UNC50: variants seen among roughly 807,000 people sequenced by gnomAD.
UNC50 encodes the protein protein unc-50 homolog.
UNC50 carries 24 observed loss-of-function variants against 31.5 expected under a neutral mutation model. The observed-to-expected ratio is 0.76, with a 90% CI of 0.55 to 1.07. The LOEUF is 1.07. Among genes scored for constraint, UNC50 ranks in the 50% least tolerant of loss-of-function variants. UNC50 has a pLI of 0.00. For missense variants in UNC50, 245 were observed against 304.2 expected, an observed-to-expected ratio of 0.81 and a Z score of 1.45; for synonymous variants, 118 against 114.7, an observed-to-expected ratio of 1.03 and a Z score of -0.18.
intron 2 of UNC50, 99 bp downstream of exon 2, chr2:98,610,138 A>G: frequency 7.8e-7 from 1 of 1,281,762 alleles, no homozygotes; most frequent in Non-Finnish European, 1.1e-6. Flanking sequence ...AATATTGGAA[A>G]CTATTTCTCC....
At chr2:98,612,449 A>T (rs943332757) in intron 3 of UNC50, among the ~76,000 whole-genome samples, 1 of 151,076 alleles carries the variant, frequency 6.6e-6, no homozygotes, top group African/African-American at 2.4e-5. Flanking sequence ...CCACTCTGTC[A>T]CCCAGGCTGG....
At chr2:98,612,240 G>A (rs1700845399) in intron 3 of UNC50, among the ~76,000 whole-genome samples, 1 of 152,080 alleles carries the variant, frequency 6.6e-6, no homozygotes, top group African/African-American at 2.4e-5. Flanking sequence ...AGTTATCTGT[G>A]AAACTCTTAG....
intron 3 of UNC50, among the ~76,000 whole-genome samples, chr2:98,611,976 C>G (rs573607745): frequency 7.0e-6 from 1 of 142,142 alleles, no homozygotes; most frequent in Non-Finnish European, 1.6e-5. Flanking sequence ...CCGCCCCCCC[C>G]GCCCCCCCAC....
chr2:98,616,254 A>C lies in UNC50; in HGVS notation c.449A>C (p.Asp150Ala). Reference protein sequence around the residue: ...YLVKRQSRDYDVEWGYAFDVH... With the variant: ...YLVKRQSRDYAVEWGYAFDVH... Reference sequence around the variant, plus strand: ...GTGAAACGACAGAGCAGAGACTATGATGTGGAATGGGGCTATGCTTTTGAT... The same window carrying C: ...GTGAAACGACAGAGCAGAGACTATGCTGTGGAATGGGGCTATGCTTTTGAT... The change falls in exon 4 of 6, where the codon GAT becomes GCT. Residue 150 changes from aspartate to alanine, a missense_variant. Coordinates refer to ENST00000357765, the MANE Select transcript of UNC50 (RefSeq NM_014044.7). 1 of 1,614,186 alleles carries C rather than the reference A, an allele frequency of 6.2e-7. No individual in the cohort carries two copies. Among genetic ancestry groups the C allele is most frequent in the Non-Finnish European group, 8.5e-7 (1 of 1,180,002 alleles).
At position 98,618,224 on chromosome 2, in the gene UNC50, C is replaced by G. The variant is rs1159555957; in HGVS notation, c.700C>G (p.Leu234Val). Reference sequence around the variant, plus strand: ...TCTGTATCCATTTGCACCTCTGATTCTGCTCTACGGGCTTTCCCTGGCACT... The same window carrying G: ...TCTGTATCCATTTGCACCTCTGATTGTGCTCTACGGGCTTTCCCTGGCACT... ...ILLYPFAPLI[L>V]LYGLSLALGW... The change falls in exon 6 of 6, where the codon CTG (leucine) becomes GTG (valine). Residue 234 changes from leucine (L) to valine (V), a missense_variant. Physicochemically the swap from Leu to Val is conservative, Grantham distance 32. Coordinates refer to ENST00000357765, the MANE Select transcript of UNC50 (RefSeq NM_014044.7). 2.5e-6 allele frequency: 4 copies of G among 1,610,704 alleles called. No individual in the cohort carries two copies. In the Admixed American group the frequency reaches 5.0e-5, roughly 20 times the overall value.
chr2:98,616,658 T>G, intron 5 of UNC50, 125 bp downstream of exon 5: 3 of 699,152 alleles, frequency 4.3e-6, no homozygotes, highest in South Asian at 3.7e-5. Flanking sequence ...TTATGTGCAT[T>G]ATCTCATTTA....
chr2:98,608,750 C>T (rs549653723), intron 1 of UNC50, 24 bp downstream of exon 1: 20 of 342,248 alleles, frequency 5.8e-5, no homozygotes, highest in Middle Eastern at 1.9e-3. Flanking sequence ...ACCACTCTGC[C>T]CTCCCGCGGC....
At chr2:98,611,696 C>T (rs1223110284) in intron 3 of UNC50, among the ~76,000 whole-genome samples, 2 of 152,082 alleles carry the variant, frequency 1.3e-5, no homozygotes, top group African/African-American at 4.8e-5. Flanking sequence ...AACAAAATGC[C>T]TGGTTTTGCA....
chr2:98,613,668 A>G (rs1700875508), intron 3 of UNC50, among the ~76,000 whole-genome samples: 2 of 152,224 alleles, frequency 1.3e-5, no homozygotes, highest in African/African-American at 4.8e-5. Context: ...GCTGTTCAAG[A>G]TGAGATTTTG....
intron 1 of UNC50, chr2:98,609,397 T>G: frequency 3.0e-6 from 1 of 337,810 alleles, no homozygotes; most frequent in South Asian, 3.7e-5. Context: ...TCTTAAAAGC[T>G]TGGTGGTTAA....
At chr2:98,610,695 ATCTGGAGGGCAAGGGATGTG>A in intron 2 of UNC50, 60 bp from the exon 3 acceptor site, 4 of 1,538,448 alleles carry the variant, frequency 2.6e-6, no homozygotes, top group Non-Finnish European at 3.5e-6. Flanking sequence ...TAGCCTGGGC[ATCTGGAGGGCAAGGGATGTG>A]TCCTGTATTT....
In UNC50 at chr2:98,618,276, GTTCT is replaced by G; in HGVS notation, c.757_760del (p.Phe253IlefsTer5). 1.2e-6 allele frequency: 2 copies of G among 1,607,170 alleles called. No individual in the cohort carries two copies. Among genetic ancestry groups the G allele is most frequent in the Non-Finnish European group, 1.7e-6 (2 of 1,177,938 alleles). ...GGATGGAACTTCACCCATACTCTCT[GTTCT>G]TTCTATAAGTACAGAGTGAAATAAA... On this transcript the variant is annotated frameshift_variant, in exon 6 of 6. Transcript: ENST00000357765. LOFTEE classifies it high-confidence loss of function.
At chr2:98,618,123 A>ATTTTTT in intron 5 of UNC50, 45 bp from the exon 6 acceptor site, 1 of 1,233,966 alleles carries the variant, frequency 8.1e-7, no homozygotes, top group South Asian at 1.7e-5. Flanking sequence ...TTAGTCATTT[A>ATTTTTT]TTTTTTTTTT....
At chr2:98,615,021 A>T (rs1446733646) in intron 3 of UNC50, among the ~76,000 whole-genome samples, 2 of 152,224 alleles carry the variant, frequency 1.3e-5, no homozygotes, top group African/African-American at 4.8e-5. Flanking sequence ...CTTTTCTGTT[A>T]CTTGGATATT....
chr2:98,609,486 T>C, intron 1 of UNC50: 4 of 534,640 alleles, frequency 7.5e-6, no homozygotes, highest in Non-Finnish European at 1.0e-5. Context: ...ACATCATCCC[T>C]GTCTCTGTAA....
At chr2:98,612,847 G>A (rs1700858097) in intron 3 of UNC50, among the ~76,000 whole-genome samples, 1 of 152,222 alleles carries the variant, frequency 6.6e-6, no homozygotes, top group African/African-American at 2.4e-5. Context: ...ACACTGTACT[G>A]TAGTCTTTTA....
At chr2:98,609,710 T>C in intron 1 of UNC50, 46 bp from the exon 2 acceptor site, 1 of 1,609,350 alleles carries the variant, frequency 6.2e-7, no homozygotes, top group Admixed American at 1.7e-5. Flanking sequence ...GGTAGCCAAA[T>C]GTTTCTTCAG....
chr2:98,609,680 T>C, intron 1 of UNC50, 76 bp from the exon 2 acceptor site: 1 of 1,597,874 alleles, frequency 6.3e-7, no homozygotes, highest in Non-Finnish European at 8.6e-7. Context: ...CCCTGCCAAA[T>C]AACTCAGAAG....
At position 98,609,487 on chromosome 2, in the gene UNC50, GTC is replaced by G. The variant is rs377627575; in HGVS notation, c.-4-265_-4-264del. Reference sequence around the variant, plus strand: ...GTCATGGGGCAGTCACATCATCCCTGTCTCTGTAATGGTAGCTGCCCCTGGAT... The same window carrying G: ...GTCATGGGGCAGTCACATCATCCCTGTCTGTAATGGTAGCTGCCCCTGGAT... On this transcript the variant is annotated intron_variant, in intron 1 of 5. Coordinates refer to ENST00000357765, the MANE Select transcript of UNC50 (RefSeq NM_014044.7). 8 of 536,278 alleles carry G rather than the reference GTC, an allele frequency of 1.5e-5. No homozygotes were observed. In the African/African-American group the frequency reaches 1.5e-4, roughly 10 times the overall value. 33.2% of individuals were successfully genotyped at this position (536,278 alleles called of 1,614,324 possible).
Sources: gnomAD v4.1 joint callset for allele counts (sites outside exome capture counted in the v4.1 genomes callset) on GRCh38, gnomAD v4.1.1 for gene constraint, MANE v1.5 for transcripts, NCBI Gene and HGNC (gene_info 2026-07-23, HGNC 2026-07-21) for gene names.